The following GRIK4 variants were observed in gnomAD, a reference collection of about 807,000 sequenced individuals.
The protein encoded by GRIK4 is glutamate ionotropic receptor kainate type subunit 4, also known as glutamate receptor ionotropic, kainate 4.
In GRIK4, 40 loss-of-function variants were observed where a neutral mutation model predicts 104.9. The observed-to-expected ratio is 0.38, with a 90% confidence interval of 0.30 to 0.50. The LOEUF is 0.50. Among genes scored for constraint, GRIK4 ranks in the 20% least tolerant of loss-of-function variants. GRIK4 has a pLI of 0.93. For synonymous variants in GRIK4, 485 were observed against 524.9 expected (o/e 0.92, Z 1.04); for missense variants, 1,047 against 1,308.1 (o/e 0.80, Z 3.08).
intron 18 of GRIK4, among the ~76,000 whole-genome samples, chr11:120,963,169 A>C (rs1316053833): frequency 6.6e-6 from 1 of 152,146 alleles, no homozygotes; most frequent in African/African-American, 2.4e-5. Context: ...GATTAGATGG[A>C]ATGCTTTCAA....
chr11:120,982,569 C>T (rs1944669826), intron 20 of GRIK4, among the ~76,000 whole-genome samples: 3 of 152,056 alleles, frequency 2.0e-5, no homozygotes, highest in Admixed American at 2.0e-4. Context: ...GAATTTTATC[C>T]CCCTTCTCGG....
chr11:120,912,101 A>G (rs986137558), intron 13 of GRIK4, among the ~76,000 whole-genome samples: 4 of 152,202 alleles, frequency 2.6e-5, no homozygotes, highest in Middle Eastern at 3.2e-3. Context: ...TAGAGAAATC[A>G]TCAGGACCAG....
chr11:120,597,879 G>T (rs79056905), intron 1 of GRIK4, among the ~76,000 whole-genome samples: 5 of 152,260 alleles, frequency 3.3e-5, no homozygotes, highest in African/African-American at 9.6e-5. Context: ...AGTGCCTGCC[G>T]TTGAAGACTC....
At chr11:120,776,572 G>T (rs1021326281) in intron 3 of GRIK4, among the ~76,000 whole-genome samples, 6 of 152,230 alleles carry the variant, frequency 3.9e-5, no homozygotes, top group Non-Finnish European at 8.8e-5. Context: ...GTTATCCCAA[G>T]ACTTAGCTGG....
intron 1 of GRIK4, among the ~76,000 whole-genome samples, chr11:120,600,079 G>A (rs1948863963): frequency 6.6e-6 from 1 of 152,190 alleles, no homozygotes; most frequent in Non-Finnish European, 1.5e-5. Flanking sequence ...CGAAGCCCTT[G>A]GGTGGAAGGT....
chr11:120,953,048 G>A lies in GRIK4; in HGVS notation c.1700+84G>A. On this transcript the variant is annotated intron_variant, in intron 15 of 20. Transcript: ENST00000527524. The surrounding 1 kb of genome is among the most constrained non-coding windows in gnomAD (Gnocchi z 4.9). ...CTGCATGGGGAGGGGGTGGGGAGGA[G>A]GAGAGGGGGAGGAGGAGTTGGGAAG... The A allele has an allele frequency of 2.3e-6, 2 of 853,286 alleles. No individual in the cohort carries two copies. Among genetic ancestry groups the A allele is most frequent in the Non-Finnish European group, 3.9e-6 (2 of 516,494 alleles). The allele number at this position is 853,286 out of a possible 1,614,324, so 52.9% of individuals were successfully genotyped here.
intron 1 of GRIK4, among the ~76,000 whole-genome samples, chr11:120,567,285 A>G (rs1488700281): frequency 6.6e-6 from 1 of 151,976 alleles, no homozygotes; most frequent in African/African-American, 2.4e-5. Flanking sequence ...TCAGCCTCCC[A>G]AATAGCTGGG....
intron 18 of GRIK4, among the ~76,000 whole-genome samples, chr11:120,966,282 G>A (rs1416103023): frequency 6.6e-6 from 1 of 152,178 alleles, no homozygotes; most frequent in East Asian, 1.9e-4. Context: ...ACACTCTGGG[G>A]TGGCTCTTCT....
chr11:120,836,518 G>A (rs954043084), intron 7 of GRIK4, among the ~76,000 whole-genome samples: 3 of 152,204 alleles, frequency 2.0e-5, no homozygotes, highest in African/African-American at 7.2e-5. Flanking sequence ...ATCCATGGGA[G>A]TATGTTGTGT....
intron 1 of GRIK4, among the ~76,000 whole-genome samples, chr11:120,625,780 T>C (rs1007447156): frequency 4.6e-5 from 7 of 152,010 alleles, no homozygotes; most frequent in Admixed American, 1.3e-4. Flanking sequence ...GAATCAGAAC[T>C]TCCAGGTGGC....
chr11:120,512,157 G>A (rs1409655246), intron 1 of GRIK4, among the ~76,000 whole-genome samples: 3 of 151,272 alleles, frequency 2.0e-5, no homozygotes, highest in Non-Finnish European at 4.4e-5. Context: ...TGCTCCCGTA[G>A]TTCCTCCAGT....
chr11:120,961,090 T>C lies in GRIK4; in HGVS notation c.2040+16T>C, dbSNP rs1436504959. The C allele has an allele frequency of 1.9e-5, 30 of 1,611,290 alleles. No homozygotes were observed. Among genetic ancestry groups the C allele is most frequent in the Non-Finnish European group, 2.5e-5 (29 of 1,178,108 alleles). ...CTTCTTCCAAGTAAACCCCATTTGG[T>C]TGCTCACCAGCATCGGGAATTGGGC... On this transcript the variant is annotated intron_variant, in intron 17 of 20. Coordinates refer to ENST00000527524, the MANE Select transcript of GRIK4 (RefSeq NM_014619.5).
intron 13 of GRIK4, among the ~76,000 whole-genome samples, chr11:120,924,898 G>A (rs1485115367): frequency 6.6e-6 from 1 of 152,228 alleles, no homozygotes; most frequent in Non-Finnish European, 1.5e-5. Flanking sequence ...AAATGGCAGG[G>A]ATTCCTGAGA....
intron 1 of GRIK4, among the ~76,000 whole-genome samples, chr11:120,601,472 G>C (rs1045213947): frequency 6.6e-6 from 1 of 152,106 alleles, no homozygotes; most frequent in Non-Finnish European, 1.5e-5. Flanking sequence ...CAAGTGACTT[G>C]ATGATTCAAT....
chr11:120,564,963 G>T (rs1235622659), intron 1 of GRIK4, among the ~76,000 whole-genome samples: 5 of 139,880 alleles, frequency 3.6e-5, no homozygotes, highest in African/African-American at 1.4e-4. Flanking sequence ...CCGGCGATCG[G>T]CTCCGCCGGC....
At chr11:120,701,499 C>T (rs548119329) in intron 3 of GRIK4, among the ~76,000 whole-genome samples, 152 of 152,228 alleles carry the variant, frequency 1.0e-3, no homozygotes, top group Non-Finnish European at 1.4e-3. Context: ...ACACATACCA[C>T]ATCCTCTTTA....
At chr11:120,527,434 G>A (rs1289224213) in intron 1 of GRIK4, among the ~76,000 whole-genome samples, 2 of 152,208 alleles carry the variant, frequency 1.3e-5, no homozygotes, top group Non-Finnish European at 2.9e-5. Flanking sequence ...CCCTGCCGGT[G>A]AGAGAGGGAG....
intron 1 of GRIK4, among the ~76,000 whole-genome samples, chr11:120,599,127 C>T (rs991164667): frequency 6.6e-5 from 10 of 152,230 alleles, no homozygotes; most frequent in African/African-American, 1.4e-4. Flanking sequence ...CACATCTGGA[C>T]GGGATATCAC....
chr11:120,570,225 C>T (rs1290244351), intron 1 of GRIK4, among the ~76,000 whole-genome samples: 1 of 152,168 alleles, frequency 6.6e-6, no homozygotes, highest in Non-Finnish European at 1.5e-5. Context: ...TTTTAAAAAG[C>T]TATTGTGATA....
Sources: allele counts gnomAD v4.1 joint callset (sites outside exome capture counted in the v4.1 genomes callset), GRCh38; gene constraint gnomAD v4.1.1; non-coding constraint Gnocchi (gnomAD v3.1); transcripts MANE v1.5; gene names NCBI Gene and HGNC (gene_info 2026-07-23, HGNC 2026-07-21).